The following BCAR3 variants were observed in gnomAD, a reference collection of about 807,000 sequenced individuals.
BCAR3 encodes breast cancer anti-estrogen resistance protein 3.
BCAR3 carries 37 observed loss-of-function variants against 80.1 expected under a neutral mutation model. That is an observed-to-expected ratio of 0.46 (90% CI 0.36 to 0.61). The LOEUF (loss-of-function observed/expected upper bound fraction) is 0.61, where lower values mean the gene tolerates loss of function less well. Ranked by LOEUF, BCAR3 falls within the 20% of genes least tolerant of loss-of-function variation. The pLI is 0.00. For missense variants in BCAR3, 978 were observed against 1,068.2 expected (o/e 0.92, Z 1.18); for synonymous variants, 389 against 418.9 (o/e 0.93, Z 0.87).
Position 93,598,696 on chromosome 1 carries a change from C to T in BCAR3, c.358-6303G>A, listed in dbSNP as rs189528175. On this transcript the variant is annotated intron_variant, in intron 3 of 11. Transcript: ENST00000260502. ...TCCCTGTCCCTCCCAGCTTGGCAGC[C>T]GGGGCAAGTTACCCCACCTCTTTGT... Among the ~76,000 whole-genome samples the T allele has an allele frequency of 1.6e-4, 24 of 152,238 alleles. No homozygotes were observed. In the East Asian group the frequency reaches 2.7e-3, roughly 17 times the overall value.
intron 2 of BCAR3, among the ~76,000 whole-genome samples, chr1:93,665,184 G>A (rs960789198): frequency 6.6e-6 from 1 of 152,120 alleles, no homozygotes; most frequent in Admixed American, 6.5e-5. Context: ...GGCAGACACT[G>A]CAGTGTCCAT....
At chr1:93,844,942 C>T (rs1019506287) in intron 2 of BCAR3, among the ~76,000 whole-genome samples, 2 of 152,064 alleles carry the variant, frequency 1.3e-5, no homozygotes, top group Non-Finnish European at 2.9e-5. Flanking sequence ...ACAGGGAAAG[C>T]CTGGCTTTCC....
intron 2 of BCAR3, among the ~76,000 whole-genome samples, chr1:93,782,486 T>C (rs962585949): frequency 1.3e-5 from 2 of 152,174 alleles, no homozygotes; most frequent in Non-Finnish European, 2.9e-5. Context: ...GAGAAGTCAG[T>C]TCATTTTGAG....
intron 2 of BCAR3, among the ~76,000 whole-genome samples, chr1:93,770,294 A>G (rs553915011): frequency 5.3e-5 from 8 of 152,232 alleles, no homozygotes; most frequent in Non-Finnish European, 7.4e-5. Flanking sequence ...GTACAGCATC[A>G]GTAATGGCAG....
intron 2 of BCAR3, among the ~76,000 whole-genome samples, chr1:93,773,828 A>C (rs749775638): frequency 6.6e-6 from 1 of 152,190 alleles, no homozygotes; most frequent in Non-Finnish European, 1.5e-5. Context: ...AATAAAAAAC[A>C]GAACAGCCTT....
chr1:93,781,398 T>A (rs186992375), intron 2 of BCAR3, among the ~76,000 whole-genome samples: 1 of 152,346 alleles, frequency 6.6e-6, no homozygotes, highest in East Asian at 1.9e-4. Flanking sequence ...AGAACAGCCA[T>A]AAAGGAACCG....
At chr1:93,810,297 A>C (rs1043457363) in intron 2 of BCAR3, among the ~76,000 whole-genome samples, 3 of 152,086 alleles carry the variant, frequency 2.0e-5, no homozygotes. Flanking sequence ...CGCATCTTCC[A>C]TAGCAATTAC....
intron 2 of BCAR3, 47 bp from the exon 3 acceptor site, chr1:93,642,390 T>C (rs1325611522): frequency 6.5e-7 from 1 of 1,537,018 alleles, no homozygotes; most frequent in Admixed American, 1.7e-5. Flanking sequence ...AACGATGCAT[T>C]CTTACATTGA....
At chr1:93,765,045 G>A (rs576197344) in intron 2 of BCAR3, among the ~76,000 whole-genome samples, 57 of 152,278 alleles carry the variant, frequency 3.7e-4, no homozygotes, top group African/African-American at 1.3e-3. Flanking sequence ...CCAAGGTCAG[G>A]ATGAGCTTCA....
intron 3 of BCAR3, among the ~76,000 whole-genome samples, chr1:93,699,758 C>A (rs1011173337): frequency 6.6e-6 from 1 of 152,122 alleles, no homozygotes; most frequent in African/African-American, 2.4e-5. Context: ...TTACTGAGTG[C>A]TTATTATGTA....
rs75333161 is a variant in BCAR3, at chr1:93,658,229, G to A, written c.318-15886C>T. ...GCTAGGATTACAGGCTTGAGCCACC[G>A]CGCCCAGTCCGTTACTGCTTCTTTT... On this transcript the variant is annotated intron_variant, in intron 2 of 11. Coordinates refer to ENST00000260502, the MANE Select transcript of BCAR3 (RefSeq NM_003567.4). Among the ~76,000 whole-genome samples, 24 of 152,206 alleles carry A rather than the reference G, an allele frequency of 1.6e-4. No individual in the cohort carries two copies. The East Asian group carries it at 3.9e-3, about 25-fold the overall frequency.
intron 2 of BCAR3, among the ~76,000 whole-genome samples, chr1:93,652,228 GGGGTCCTGGATCTGCTTA>G (rs1397588214): frequency 6.6e-6 from 1 of 152,140 alleles, no homozygotes; most frequent in Non-Finnish European, 1.5e-5. Flanking sequence ...AGGGCTCCAA[GGGGTCCTGGATCTGCTTA>G]TTCTCCTCAC....
intron 2 of BCAR3, among the ~76,000 whole-genome samples, chr1:93,775,793 A>G (rs571378699): frequency 6.6e-6 from 1 of 152,340 alleles, no homozygotes; most frequent in South Asian, 2.1e-4. Context: ...AGAAAGGTCC[A>G]AATCATGCTT....
At chr1:93,637,239 G>A (rs1425455367) in intron 3 of BCAR3, among the ~76,000 whole-genome samples, 1 of 151,522 alleles carries the variant, frequency 6.6e-6, no homozygotes. Context: ...GCCCAATCTC[G>A]GCTCACTGCA....
chr1:93,662,616 T>G (rs914714971), intron 2 of BCAR3, among the ~76,000 whole-genome samples: 3 of 152,190 alleles, frequency 2.0e-5, no homozygotes, highest in African/African-American at 7.2e-5. Flanking sequence ...GTGCTTCCTG[T>G]ATTATCATCT....
chr1:93,768,750 T>C (rs116078092), intron 2 of BCAR3, among the ~76,000 whole-genome samples: 1,702 of 152,280 alleles, frequency 0.011, 16 homozygotes, highest in South Asian at 0.025. Flanking sequence ...GAGGGGATGC[T>C]GGAGGCCTCT....
intron 3 of BCAR3, among the ~76,000 whole-genome samples, chr1:93,621,708 T>C (rs899330453): frequency 1.3e-5 from 2 of 152,150 alleles, no homozygotes; most frequent in African/African-American, 4.8e-5. Flanking sequence ...TTGCATGTAA[T>C]ACTTAGGACA....
At chr1:93,652,763 C>G (rs1008193078) in intron 2 of BCAR3, among the ~76,000 whole-genome samples, 1 of 152,130 alleles carries the variant, frequency 6.6e-6, no homozygotes, top group Admixed American at 6.5e-5. Flanking sequence ...CTGGCAGGCA[C>G]GCTGCCCCAC....
intron 2 of BCAR3, among the ~76,000 whole-genome samples, chr1:93,751,589 A>C (rs1002200960): frequency 6.6e-6 from 1 of 152,196 alleles, no homozygotes; most frequent in Non-Finnish European, 1.5e-5. Context: ...AACCTTGGCC[A>C]AGCCCATCGG....
Sources: allele counts gnomAD v4.1 joint callset (sites outside exome capture counted in the v4.1 genomes callset), GRCh38; gene constraint gnomAD v4.1.1; transcripts MANE v1.5; gene names NCBI Gene and HGNC (gene_info 2026-07-23, HGNC 2026-07-21).